Variants in VAX1 observed in about 807,000 individuals in gnomAD.
VAX1 encodes ventral anterior homeobox 1.
A neutral mutation model predicts 17.6 loss-of-function variants in VAX1; 6 were observed. That is an observed-to-expected ratio of 0.34 (90% CI 0.19 to 0.67). The LOEUF (loss-of-function observed/expected upper bound fraction) is 0.67. Among genes scored for constraint, VAX1 ranks in the 30% least tolerant of loss-of-function variants. The probability of loss-of-function intolerance (pLI) is 0.69; values close to 1 mark genes in which losing one functional copy is unlikely to be tolerated. For missense variants in VAX1, 408 were observed against 463.7 expected, an observed-to-expected ratio of 0.88 and a Z score of 1.10; for synonymous variants, 256 against 227.4, an observed-to-expected ratio of 1.13 and a Z score of -1.13.
At position 117,136,327 on chromosome 10, in the gene VAX1, G is replaced by A. The variant is rs1854177830; in HGVS notation, c.429+145C>T. The A allele has an allele frequency of 1.1e-6, 1 of 924,338 alleles. No individual in the cohort carries two copies. The highest frequency in any genetic ancestry group is 1.6e-6 in the Non-Finnish European group (1 of 630,066). The allele number at this position is 924,338 out of a possible 1,614,324, so 57.3% of individuals were successfully genotyped here. A position where few individuals can be genotyped will look rare whatever the true frequency, so the allele number is the denominator to read the frequency against. ...TATTATCTAGGGGAAGGAATCCTTAGGCCTGTCTTACCCATCCTTCCCATC... is the reference window on the plus strand; with the variant it reads ...TATTATCTAGGGGAAGGAATCCTTAAGCCTGTCTTACCCATCCTTCCCATC... On this transcript the variant is annotated intron_variant, in intron 2 of 2. Transcript: ENST00000369206. This position sits in a 1 kb window ranked among gnomAD's most constrained non-coding sequence, Gnocchi z 5.0.
At chr10:117,132,615 G>T, downstream of VAX1, 2 of 1,005,342 alleles carry the variant, frequency 2.0e-6, no homozygotes, top group Non-Finnish European at 2.9e-6. This position sits in a 1 kb window ranked among gnomAD's most constrained non-coding sequence, Gnocchi z 4.9. Flanking sequence ...GCACCTCGCA[G>T]TCTGGGTCTG....
At chr10:117,135,488 C>CT (rs1206130906) in intron 2 of VAX1, among the ~76,000 whole-genome samples, 4 of 152,168 alleles carry the variant, frequency 2.6e-5, no homozygotes, top group African/African-American at 7.2e-5. Context: ...ATTTTATAAA[C>CT]TAAGAGGAGT....
rs1400372024 is a variant in VAX1 at position 117,134,461 on chromosome 10, C to T, written c.552G>A (p.Gln184=). 2 of 1,517,134 alleles carry T rather than the reference C, an allele frequency of 1.3e-6. No individual in the cohort carries two copies. The highest frequency in any genetic ancestry group is 5.3e-5 in the East Asian group (2 of 37,854). 94.0% of individuals were successfully genotyped at this position (1,517,134 alleles called of 1,614,324 possible). A position where few individuals can be genotyped will look rare whatever the true frequency, so the allele number is the denominator to read the frequency against. Residue 184 remains glutamine (Q), a synonymous_variant, in exon 3 of 3, where the codon CAG becomes CAA. Coordinates refer to ENST00000369206, the MANE Select transcript of VAX1 (RefSeq NM_001112704.2). The surrounding 1 kb of genome is among the most constrained non-coding windows in gnomAD (Gnocchi z 6.2). ...GGCCGGGCGGCGACAACAGGCGGCCCTGCTCCAGCAGCCGTAGCACGCTGC... is the reference window on the plus strand; with the variant it reads ...GGCCGGGCGGCGACAACAGGCGGCCTTGCTCCAGCAGCCGTAGCACGCTGC... ...ATCSVLRLLE[Q]GRLLSPPGLP... is the part of the protein sequence containing the mutation.
chr10:117,135,755 G>A (rs1316715222), intron 2 of VAX1, among the ~76,000 whole-genome samples: 3 of 152,224 alleles, frequency 2.0e-5, no homozygotes, highest in South Asian at 2.1e-4. Context: ...AGCTCCAAGG[G>A]GCATCATATG....
chr10:117,137,443 C>T lies in VAX1; in HGVS notation c.241+373G>A, dbSNP rs1854200793. 6.6e-6 allele frequency among the ~76,000 whole-genome samples: 1 copy of T among 152,216 alleles called. No individual in the cohort carries two copies. Among genetic ancestry groups the T allele is most frequent in the Non-Finnish European group, 1.5e-5 (1 of 68,038 alleles). On this transcript the variant is annotated intron_variant, in intron 1 of 2. Transcript: ENST00000369206. This position sits in a 1 kb window ranked among gnomAD's most constrained non-coding sequence, Gnocchi z 7.4. ...TGGGTGCGCTCAGCCCTCCAGAGCG[C>T]GGGAGTCCCCTGGCCGGCTCCCGGC...
downstream of VAX1, among the ~76,000 whole-genome samples, chr10:117,133,118 G>C (rs1261420929): frequency 6.6e-6 from 1 of 152,216 alleles, no homozygotes; most frequent in Non-Finnish European, 1.5e-5. Flanking sequence ...AATTTCCTTT[G>C]ATTAGCGGCG....
In VAX1 at chr10:117,133,576, G is replaced by T; in HGVS notation, c.*432C>A. On this transcript the variant is annotated 3_prime_UTR_variant, in exon 3 of 3. Coordinates refer to ENST00000369206, the MANE Select transcript of VAX1 (RefSeq NM_001112704.2). The stretch of plus-strand genomic sequence containing the variant: ...GTCTAAAGAAACCTGGAAGCCCCTG[G>T]GGTCTGCGCGCAGTTTTCCTCTTTC... 3.0e-6 allele frequency: 3 copies of T among 987,164 alleles called. No individual in the cohort carries two copies. The highest frequency in any genetic ancestry group is 3.6e-6 in the Non-Finnish European group (3 of 831,190). The allele number at this position is 987,164 out of a possible 1,614,324, so 61.2% of individuals were successfully genotyped here.
chr10:117,128,986 T>C (rs1854050810), downstream of VAX1: 1 of 152,120 alleles, frequency 6.6e-6, no homozygotes, highest in Non-Finnish European at 1.5e-5. Flanking sequence ...AAATGAAACC[T>C]CCATGAAAAT....
chr10:117,129,913 T>C (rs1854063709), downstream of VAX1: 1 of 151,724 alleles, frequency 6.6e-6, no homozygotes, highest in Admixed American at 6.6e-5. Context: ...ACCAAGTAAA[T>C]CCTCAGCAGC....
chr10:117,130,748 G>C (rs1335082866), downstream of VAX1: 1 of 152,238 alleles, frequency 6.6e-6, no homozygotes, highest in Non-Finnish European at 1.5e-5. Flanking sequence ...TTTCTATGCA[G>C]AAGAGGCTCT....
chr10:117,137,135 G>C lies in VAX1; in HGVS notation c.242-476C>G, dbSNP rs1251701166. Among the ~76,000 whole-genome samples the C allele has an allele frequency of 9.9e-5, 15 of 151,820 alleles. No individual in the cohort carries two copies. In the East Asian group the frequency reaches 2.8e-3, roughly 28 times the overall value. Reference sequence around the variant, plus strand: ...CGGCGGAAGGAGGAGGGACTGAGTCGGGGCCGGCCGGGCCCGGAGATCTGC... The same window carrying C: ...CGGCGGAAGGAGGAGGGACTGAGTCCGGGCCGGCCGGGCCCGGAGATCTGC... On this transcript the variant is annotated intron_variant, in intron 1 of 2. Transcript: ENST00000369206. The surrounding 1 kb of genome is among the most constrained non-coding windows in gnomAD (Gnocchi z 7.4).
downstream of VAX1, among the ~76,000 whole-genome samples, chr10:117,132,695 G>T (rs555987991): frequency 6.6e-6 from 1 of 152,076 alleles, no homozygotes; most frequent in Non-Finnish European, 1.5e-5. This position sits in a 1 kb window ranked among gnomAD's most constrained non-coding sequence, Gnocchi z 4.9. Context: ...AAGGAAAGAG[G>T]GTGTCGCGGT....
At position 117,136,663 on chromosome 10, in the gene VAX1, G is replaced by C; in HGVS notation, c.242-4C>G. ...TCTCGGATGGACCCCTTGGCATCTG[G>C]GGAAGGGGAGATGTCAGCCGCCAGA... On this transcript the variant is annotated splice_region_variant and splice_polypyrimidine_tract_variant and intron_variant, in intron 1 of 2. Coordinates refer to ENST00000369206, the MANE Select transcript of VAX1 (RefSeq NM_001112704.2). The surrounding 1 kb of genome is among the most constrained non-coding windows in gnomAD (Gnocchi z 5.0). 1 of 1,601,042 alleles carries C rather than the reference G, an allele frequency of 6.2e-7. No homozygotes were observed. The highest frequency in any genetic ancestry group is 8.5e-7 in the Non-Finnish European group (1 of 1,170,084).
In VAX1 at chr10:117,137,818, C is replaced by A. The variant is rs1176473736; in HGVS notation, c.239G>T (p.Arg80Leu). The A allele has an allele frequency of 1.2e-6, 2 of 1,612,098 alleles. No individual in the cohort carries two copies. The highest frequency in any genetic ancestry group is 8.5e-7 in the Non-Finnish European group (1 of 1,179,926). ...CTGGCAGCCCTGCCCATCCCTACCT[C>A]GGACCAGGATCCGGCGGCAGTAATC... ...DPDYCRRILV[R>L]DAKGSIREII... The change falls in exon 1 of 3, where the codon CGA (arginine) becomes CTA (leucine). Residue 80 changes from arginine to leucine, a missense_variant and splice_region_variant. By Grantham distance (102) the Arg-to-Leu change is moderately radical. This residue lies in a region of VAX1 where 133 missense variants were observed against 112.0 expected (regional missense o/e 1.19). Coordinates refer to ENST00000369206, the MANE Select transcript of VAX1 (RefSeq NM_001112704.2). The surrounding 1 kb of genome is among the most constrained non-coding windows in gnomAD (Gnocchi z 7.4).
At chr10:117,135,106 C>G (rs560456120) in intron 2 of VAX1, among the ~76,000 whole-genome samples, 1 of 152,292 alleles carries the variant, frequency 6.6e-6, no homozygotes, top group South Asian at 2.1e-4. Context: ...GCCCAATGCG[C>G]TCGGATTTAG....
Position 117,134,525 on chromosome 10 carries a change from G to C in VAX1, c.488C>G (p.Ser163Trp). The C allele has an allele frequency of 6.5e-7, 1 of 1,533,100 alleles. No homozygotes were observed. 95.0% of individuals were successfully genotyped at this position (1,533,100 alleles called of 1,614,324 possible). A position where few individuals can be genotyped will look rare whatever the true frequency, so the allele number is the denominator to read the frequency against. Residue 163 changes from serine (S) to tryptophan (W), a missense_variant, in exon 3 of 3, where the codon TCG becomes TGG. Ser to Trp is a radical substitution (Grantham distance 177). Around this residue, in one of 4 missense-constraint regions of VAX1, gnomAD observed 75 missense variants for 116.1 expected, o/e 0.65. Transcript: ENST00000369206. This position sits in a 1 kb window ranked among gnomAD's most constrained non-coding sequence, Gnocchi z 6.2. The stretch of plus-strand genomic sequence containing the variant: ...CTCCGACACCACCGAGCGTAGCTCC[G>C]AGTCCTTGCCCTGGTCCTTCTTCTG... ...TKQKKDQGKD[S>W]ELRSVVSETA...
In VAX1 at chr10:117,134,548, C is replaced by T. The variant is rs202082225; in HGVS notation, c.465G>A (p.Gln155=). 8.5e-6 allele frequency: 13 copies of T among 1,528,852 alleles called. No individual in the cohort carries two copies. The highest frequency in any genetic ancestry group is 1.1e-5 in the Non-Finnish European group (13 of 1,139,316). 94.7% of individuals were successfully genotyped at this position (1,528,852 alleles called of 1,614,324 possible). ...KVWFQNRRTK[Q]KKDQGKDSEL... ...CCGAGTCCTTGCCCTGGTCCTTCTT[C>T]TGCTTGGTGCGCCGGTTCTGGAACC... Residue 155 remains glutamine, a synonymous_variant, in exon 3 of 3, where the codon CAG becomes CAA. Coordinates refer to ENST00000369206, the MANE Select transcript of VAX1 (RefSeq NM_001112704.2). This position sits in a 1 kb window ranked among gnomAD's most constrained non-coding sequence, Gnocchi z 6.2.
At position 117,134,033 on chromosome 10, in the gene VAX1, C is replaced by G; in HGVS notation, c.980G>C (p.Gly327Ala). 6.6e-7 allele frequency: 1 copy of G among 1,523,236 alleles called. No homozygotes were observed. Among genetic ancestry groups the G allele is most frequent in the Non-Finnish European group, 8.8e-7 (1 of 1,134,936 alleles). 94.4% of individuals were successfully genotyped at this position (1,523,236 alleles called of 1,614,324 possible). The change falls in exon 3 of 3, where the codon GGG (glycine) becomes GCG (alanine). Residue 327 changes from glycine (G) to alanine (A), a missense_variant. Gly to Ala is a moderately conservative substitution (Grantham distance 60). Transcript: ENST00000369206. The surrounding 1 kb of genome is among the most constrained non-coding windows in gnomAD (Gnocchi z 6.2). Reference protein sequence around the residue: ...EPYSRTNNKEGAEKKALD With the variant: ...EPYSRTNNKEAAEKKALD Reference sequence around the variant, plus strand: ...TCAGTCCAGCGCTTTTTTCTCGGCCCCTTCTTTATTGTTGGTCCGGGAGTA... The same window carrying G: ...TCAGTCCAGCGCTTTTTTCTCGGCCGCTTCTTTATTGTTGGTCCGGGAGTA...
intron 2 of VAX1, among the ~76,000 whole-genome samples, chr10:117,135,116 G>A (rs1854155677): frequency 6.6e-6 from 1 of 152,198 alleles, no homozygotes. Context: ...CTCGGATTTA[G>A]TCCTAGAAGC....
Sources: allele counts gnomAD v4.1 joint callset (sites outside exome capture counted in the v4.1 genomes callset), GRCh38; gene constraint gnomAD v4.1.1; regional missense constraint gnomAD v4.1.1; non-coding constraint Gnocchi (gnomAD v3.1); transcripts MANE v1.5; gene names NCBI Gene and HGNC (gene_info 2026-07-23, HGNC 2026-07-21).